MFSD11: variants seen among roughly 807,000 people sequenced by gnomAD.
The protein encoded by MFSD11 is UNC93-like protein MFSD11.
Under a neutral mutation model 53.5 loss-of-function variants are expected in MFSD11, and 36 were observed. The observed-to-expected ratio is 0.67, with a 90% CI of 0.52 to 0.89. The LOEUF (loss-of-function observed/expected upper bound fraction) is 0.89. Ranked by LOEUF, MFSD11 falls within the 40% of genes least tolerant of loss-of-function variation. MFSD11 has a pLI of 0.00. For missense variants in MFSD11, 530 were observed against 543.9 expected, an observed-to-expected ratio of 0.97 and a Z score of 0.25; for synonymous variants, 186 against 184.9, an observed-to-expected ratio of 1.01 and a Z score of -0.05.
At chr17:76,754,303 T>A (rs898364935) in intron 8 of MFSD11, 1 of 505,932 alleles carries the variant, frequency 2.0e-6, no homozygotes, top group Non-Finnish European at 3.5e-6. Flanking sequence ...CCTGCCCAGG[T>A]GTGTGAGGGA....
At chr17:76,744,019 C>T (rs546394932) in intron 6 of MFSD11, among the ~76,000 whole-genome samples, 32 of 152,294 alleles carry the variant, frequency 2.1e-4, no homozygotes, top group African/African-American at 7.5e-4. Context: ...GAGAATACTG[C>T]GCACGAGTAT....
At chr17:76,752,614 C>G (rs997852867) in intron 7 of MFSD11, among the ~76,000 whole-genome samples, 1 of 152,058 alleles carries the variant, frequency 6.6e-6, no homozygotes, top group Non-Finnish European at 1.5e-5. Context: ...CTCCTGACCT[C>G]AAGTAATCCA....
the MFSD11 span, among the ~76,000 whole-genome samples, chr17:76,791,933 C>T: frequency 6.9e-6 from 1 of 144,690 alleles, no homozygotes; most frequent in African/African-American, 2.6e-5. Flanking sequence ...ACCATTGAAA[C>T]CAGTGAAAGA....
In MFSD11 at chr17:76,742,024, G is replaced by A. The variant is rs779718314; in HGVS notation, c.316G>A (p.Val106Ile). ...CCCGTGGTCCTTCTACACAGCCTCT[G>A]TTTTCATTGGAATTGCTGCTGCTGG... The part of the protein sequence containing the change: ...PFPWSFYTAS[V>I]FIGIAAAVLW... The change falls in exon 4 of 13, where the codon GTT (valine) becomes ATT (isoleucine). Residue 106 changes from valine (V) to isoleucine (I), a missense_variant. Coordinates refer to ENST00000685175, the MANE Select transcript of MFSD11 (RefSeq NM_001242532.5). The A allele has an allele frequency of 1.9e-6, 3 of 1,614,100 alleles. No individual in the cohort carries two copies. In the East Asian group the frequency reaches 6.7e-5, roughly 36 times the overall value.
chr17:76,737,197 G>C (rs2077549184), upstream of MFSD11: 2 of 1,509,786 alleles, frequency 1.3e-6, no homozygotes, highest in East Asian at 4.9e-5. Flanking sequence ...GCGAACTGGC[G>C]CCGGCTTCCT....
At chr17:76,800,536 G>A in the MFSD11 span, among the ~76,000 whole-genome samples, 3 of 152,094 alleles carry the variant, frequency 2.0e-5, no homozygotes, top group African/African-American at 7.2e-5. Flanking sequence ...GCAATGGATT[G>A]TTGCTGCTAT....
At chr17:76,757,250 C>T (rs1232779415) in intron 8 of MFSD11, among the ~76,000 whole-genome samples, 1 of 152,178 alleles carries the variant, frequency 6.6e-6, no homozygotes, top group Non-Finnish European at 1.5e-5. Flanking sequence ...GGGCCACATG[C>T]TTTGCATTAC....
Position 76,776,298 on chromosome 17 carries a change from T to C in MFSD11, c.1050-108T>C. On this transcript the variant is annotated intron_variant, in intron 11 of 12. Coordinates refer to ENST00000685175, the MANE Select transcript of MFSD11 (RefSeq NM_001242532.5). The surrounding 1 kb of genome is among the most constrained non-coding windows in gnomAD (Gnocchi z 4.2). ...CAGCTTTGTCTTTATTTTTGTTTCA[T>C]AGTGTTTACAACTTGCAGGTAGAAT... 8.3e-7 allele frequency: 1 copy of C among 1,202,198 alleles called. No individual in the cohort carries two copies. Among genetic ancestry groups the C allele is most frequent in the Non-Finnish European group, 1.2e-6 (1 of 861,634 alleles). The allele number at this position is 1,202,198 out of a possible 1,614,324, so 74.5% of individuals were successfully genotyped here.
chr17:76,796,270 G>A, the MFSD11 span, among the ~76,000 whole-genome samples: 6 of 151,984 alleles, frequency 3.9e-5, no homozygotes, highest in Non-Finnish European at 7.4e-5. Context: ...AAGCCTTTTC[G>A]GACCACAGCA....
chr17:76,770,959 C>A (rs1226089148), intron 10 of MFSD11, among the ~76,000 whole-genome samples: 1 of 152,234 alleles, frequency 6.6e-6, no homozygotes, highest in African/African-American at 2.4e-5. Context: ...GGCTCATTCA[C>A]TTTGGGAGGC....
At chr17:76,760,756 C>G (rs2080147762) in intron 8 of MFSD11, among the ~76,000 whole-genome samples, 1 of 151,994 alleles carries the variant, frequency 6.6e-6, no homozygotes, top group African/African-American at 2.4e-5. Flanking sequence ...GTCTTGAACT[C>G]CTGACCTCAG....
intron 12 of MFSD11, 37 bp from the exon 13 acceptor site, chr17:76,778,151 C>T (rs775594521): frequency 5.6e-6 from 9 of 1,611,750 alleles, no homozygotes; most frequent in Non-Finnish European, 7.6e-6. Context: ...GTGTGGCCCC[C>T]GGTGCGCCCG....
chr17:76,744,899 C>T (rs2078403533), intron 7 of MFSD11, among the ~76,000 whole-genome samples: 1 of 152,230 alleles, frequency 6.6e-6, no homozygotes, highest in African/African-American at 2.4e-5. Context: ...TGATGGTTGT[C>T]ACAGATGAAC....
chr17:76,761,129 T>C (rs1015430297), intron 8 of MFSD11, among the ~76,000 whole-genome samples: 3 of 152,016 alleles, frequency 2.0e-5, no homozygotes, highest in Non-Finnish European at 2.9e-5. Flanking sequence ...TGCTTGAACC[T>C]GGGAGACAGA....
At chr17:76,792,366 A>G in the MFSD11 span, among the ~76,000 whole-genome samples, 5 of 151,216 alleles carry the variant, frequency 3.3e-5, no homozygotes, top group East Asian at 9.7e-4. Flanking sequence ...TGATCCACCC[A>G]TCTCAGCCTC....
intron 7 of MFSD11, among the ~76,000 whole-genome samples, chr17:76,748,685 T>TA (rs879369771): frequency 3.6e-4 from 52 of 142,778 alleles, no homozygotes; most frequent in East Asian, 3.5e-3. Flanking sequence ...GACCCTGTCT[T>TA]AAAAAAAAAA....
At chr17:76,747,449 C>T (rs1482784365) in intron 7 of MFSD11, among the ~76,000 whole-genome samples, 2 of 152,242 alleles carry the variant, frequency 1.3e-5, no homozygotes, top group East Asian at 3.9e-4. Flanking sequence ...ATTCTTCCGC[C>T]TCAGCCTCCC....
At chr17:76,741,819 T>C (rs2078110468) in intron 3 of MFSD11, 150 bp from the exon 4 acceptor site, 1 of 1,222,580 alleles carries the variant, frequency 8.2e-7, no homozygotes, top group South Asian at 1.5e-5. Context: ...AATGAGAAAG[T>C]TGATTGTGTC....
upstream of MFSD11, chr17:76,737,357 G>C (rs370097238): frequency 9.2e-6 from 6 of 649,808 alleles, no homozygotes; most frequent in East Asian, 3.0e-5. Context: ...CTCTGCGCCC[G>C]TTTATATCGC....
Sources: gnomAD v4.1 joint callset for allele counts (sites outside exome capture counted in the v4.1 genomes callset) on GRCh38, gnomAD v4.1.1 for gene constraint, Gnocchi (gnomAD v3.1) non-coding constraint, MANE v1.5 for transcripts, NCBI Gene and HGNC (gene_info 2026-07-23, HGNC 2026-07-21) for gene names.